RABGAP1L: variants seen among roughly 807,000 people sequenced by gnomAD.
The protein encoded by RABGAP1L is RAB GTPase activating protein 1 like, also known as rab GTPase-activating protein 1-like.
RABGAP1L carries 63 observed loss-of-function variants against 137.7 expected under a neutral mutation model. The observed-to-expected ratio is 0.46, with a 90% CI of 0.37 to 0.56. The LOEUF is 0.56. RABGAP1L is among the 20% of genes least tolerant of loss of function. RABGAP1L has a pLI of 0.00. For synonymous variants in RABGAP1L, 431 were observed against 433.7 expected (o/e 0.99, Z 0.08); for missense variants, 1,095 against 1,244.0 (o/e 0.88, Z 1.80).
intron 13 of RABGAP1L, among the ~76,000 whole-genome samples, chr1:174,472,562 G>A (rs956478574): frequency 3.3e-5 from 5 of 152,274 alleles, no homozygotes; most frequent in Admixed American, 3.3e-4. Flanking sequence ...GCAAAGTCTG[G>A]AGGAAACCAG....
At chr1:174,435,236 T>G (rs955373836) in intron 13 of RABGAP1L, among the ~76,000 whole-genome samples, 1 of 152,174 alleles carries the variant, frequency 6.6e-6, no homozygotes, top group African/African-American at 2.4e-5. Context: ...CAGGCTTGTC[T>G]TGAACTCCTG....
intron 4 of RABGAP1L, among the ~76,000 whole-genome samples, chr1:174,237,889 C>A (rs972836331): frequency 2.7e-5 from 4 of 150,854 alleles, no homozygotes; most frequent in African/African-American, 9.8e-5. Context: ...TCCATTCTCC[C>A]CATCACTTTC....
At chr1:174,803,750 A>C (rs2148830394) in intron 18 of RABGAP1L, among the ~76,000 whole-genome samples, 1 of 152,202 alleles carries the variant, frequency 6.6e-6, no homozygotes, top group East Asian at 1.9e-4. Flanking sequence ...CAAACAGTGG[A>C]AATATTTCCA....
rs535135727 is a variant in RABGAP1L, at chr1:174,715,640, A to G, written c.2169+13384A>G. Among the ~76,000 whole-genome samples the G allele has an allele frequency of 2.6e-5, 4 of 152,334 alleles. No individual in the cohort carries two copies. In the East Asian group the frequency reaches 7.7e-4, roughly 29 times the overall value. On this transcript the variant is annotated intron_variant, in intron 17 of 25. Transcript: ENST00000681986. The stretch of plus-strand genomic sequence containing the variant: ...GGTTTTTCAACTTTTTTCAATTCAC[A>G]TGGGCAGACGCTGTGATTATCCTTG...
intron 14 of RABGAP1L, among the ~76,000 whole-genome samples, chr1:174,664,310 A>G (rs189624465): frequency 5.2e-4 from 79 of 152,302 alleles, no homozygotes; most frequent in Admixed American, 7.8e-4. Context: ...ACTTTGTACA[A>G]TTATCCCCAA....
chr1:174,316,851 A>G (rs2148814231), intron 11 of RABGAP1L, among the ~76,000 whole-genome samples: 1 of 152,256 alleles, frequency 6.6e-6, no homozygotes, highest in East Asian at 1.9e-4. Context: ...CTGGCAGTTG[A>G]ACCACAAGAC....
At chr1:174,965,149 C>G (rs575417137) in intron 20 of RABGAP1L, among the ~76,000 whole-genome samples, 1 of 152,212 alleles carries the variant, frequency 6.6e-6, no homozygotes, top group Admixed American at 6.5e-5. Context: ...GCTTTTTGTT[C>G]AAACGGTGTC....
At chr1:174,256,674 G>T (rs1472391692) in intron 7 of RABGAP1L, among the ~76,000 whole-genome samples, 1 of 152,116 alleles carries the variant, frequency 6.6e-6, no homozygotes, top group Non-Finnish European at 1.5e-5. Flanking sequence ...CCAGCTACTT[G>T]GGAGGCTGAG....
intron 13 of RABGAP1L, among the ~76,000 whole-genome samples, chr1:174,536,619 C>CT (rs1461618577): frequency 6.6e-6 from 1 of 151,980 alleles, no homozygotes; most frequent in Non-Finnish European, 1.5e-5. Context: ...CTGATAACTG[C>CT]TTTTAGATAA....
chr1:174,160,577 C>T lies in RABGAP1L; in HGVS notation c.-34+920C>T, dbSNP rs187367024. Among the ~76,000 whole-genome samples the T allele has an allele frequency of 2.9e-3, 436 of 152,244 alleles. 1 individual carries two copies. The highest frequency in any genetic ancestry group is 9.7e-3 in the African/African-American group (402 of 41,536). On this transcript the variant is annotated intron_variant, in intron 1 of 25. Transcript: ENST00000681986. ...TCATGCAAGTAAACTGAAATGCCAG[C>T]CTTATTACACTAATGGTAAGGAGAA... is the stretch of plus-strand genomic sequence containing the variant.
At chr1:174,462,310 C>A (rs1656778849) in intron 13 of RABGAP1L, among the ~76,000 whole-genome samples, 1 of 152,104 alleles carries the variant, frequency 6.6e-6, no homozygotes, top group Non-Finnish European at 1.5e-5. Context: ...TTTAATATAT[C>A]AAGTTTGTTT....
intron 19 of RABGAP1L, among the ~76,000 whole-genome samples, chr1:174,911,326 C>A (rs1358844405): frequency 6.6e-6 from 1 of 152,024 alleles, no homozygotes; most frequent in Non-Finnish European, 1.5e-5. Flanking sequence ...AGAAAGCAAA[C>A]CTTTATGTAA....
chr1:174,614,910 C>G (rs1479984803), intron 13 of RABGAP1L, among the ~76,000 whole-genome samples: 1 of 152,076 alleles, frequency 6.6e-6, no homozygotes, highest in African/African-American at 2.4e-5. Flanking sequence ...AGTTCTCGAG[C>G]CTTGGCTTTC....
intron 11 of RABGAP1L, among the ~76,000 whole-genome samples, chr1:174,362,788 A>G (rs892806341): frequency 1.3e-5 from 2 of 152,166 alleles, no homozygotes; most frequent in African/African-American, 2.4e-5. Context: ...GAAGCTCTTT[A>G]GTTTAATTAG....
At chr1:174,599,375 C>T (rs541262828) in intron 13 of RABGAP1L, among the ~76,000 whole-genome samples, 3 of 152,270 alleles carry the variant, frequency 2.0e-5, no homozygotes, top group South Asian at 4.1e-4. Flanking sequence ...AGTTTACAGA[C>T]CACTGTTACA....
chr1:174,518,449 CTATT>C (rs764866893), intron 13 of RABGAP1L, among the ~76,000 whole-genome samples: 31 of 152,078 alleles, frequency 2.0e-4, no homozygotes, highest in Non-Finnish European at 3.4e-4. Flanking sequence ...ATTGTAAATG[CTATT>C]TAAATAGCTA....
intron 17 of RABGAP1L, among the ~76,000 whole-genome samples, chr1:174,737,890 A>G (rs1205423950): frequency 6.6e-6 from 1 of 152,132 alleles, no homozygotes; most frequent in East Asian, 1.9e-4. Flanking sequence ...ACACTTTTAA[A>G]CAACCAGATC....
Position 174,946,940 on chromosome 1 carries a change from A to ATGTGTGTGTGTG in RABGAP1L, c.2341-10487_2341-10476dup, listed in dbSNP as rs755558389. 2.1e-4 allele frequency among the ~76,000 whole-genome samples: 13 copies of ATGTGTGTGTGTG among 60,934 alleles called. 1 individual carries two copies. The highest frequency in any genetic ancestry group is 4.8e-4 in the Admixed American group (2 of 4,154). The allele number at this position is 60,934 out of a possible 152,430, so 40.0% of individuals were successfully genotyped here. On this transcript the variant is annotated intron_variant, in intron 19 of 25. Coordinates refer to ENST00000681986, the MANE Select transcript of RABGAP1L (RefSeq NM_001366446.1). Reference sequence around the variant, plus strand: ...AAAATATATATATATATATATATATATGTGTGTGTGTGTGTGTGTGTGTGT... The same window carrying ATGTGTGTGTGTG: ...AAAATATATATATATATATATATATATGTGTGTGTGTGTGTGTGTGTGTGTGTGTGTGTGTGT...
intron 1 of RABGAP1L, among the ~76,000 whole-genome samples, chr1:174,167,502 T>C (rs769756814): frequency 6.6e-6 from 1 of 152,232 alleles, no homozygotes; most frequent in Admixed American, 6.5e-5. Flanking sequence ...CTTTGAAGAC[T>C]ACCATGTGAG....
Sources: gnomAD v4.1 joint callset for allele counts (sites outside exome capture counted in the v4.1 genomes callset) on GRCh38, gnomAD v4.1.1 for gene constraint, MANE v1.5 for transcripts, NCBI Gene and HGNC (gene_info 2026-07-23, HGNC 2026-07-21) for gene names.